The following CYRIA variants were observed in gnomAD, a reference collection of about 807,000 sequenced individuals.
CYRIA encodes CYFIP related Rac1 interactor A, also known as CYFIP-related Rac1 interactor A.
CYRIA carries 15 observed loss-of-function variants against 43.9 expected under a neutral mutation model. That is an observed-to-expected ratio of 0.34 (90% CI 0.23 to 0.53). CYRIA has a LOEUF of 0.53. Among genes scored for constraint, CYRIA ranks in the 20% least tolerant of loss-of-function variants. The pLI, the probability that CYRIA is intolerant of heterozygous loss-of-function variation, is 0.94. For synonymous variants in CYRIA, 117 were observed against 136.0 expected, an observed-to-expected ratio of 0.86 and a Z score of 0.97; for missense variants, 236 against 394.2, an observed-to-expected ratio of 0.60 and a Z score of 3.40.
Position 16,660,805 on chromosome 2 carries a change from T to C in CYRIA, c.-167+4975A>G, listed in dbSNP as rs77928213. 2.0e-4 allele frequency among the ~76,000 whole-genome samples: 31 copies of C among 152,268 alleles called. No individual in the cohort carries two copies. The East Asian group carries it at 5.4e-3, about 27-fold the overall frequency. ...ACACCAGACTCAGGCCCTGAGATAA[T>C]TGCAAATAGAAACACATCTGTCTGC... On this transcript the variant is annotated intron_variant, in intron 1 of 11. Coordinates refer to ENST00000381323, the MANE Select transcript of CYRIA (RefSeq NM_030797.4).
At chr2:16,589,083 CAT>C (rs1052334245) in intron 2 of CYRIA, among the ~76,000 whole-genome samples, 1 of 152,010 alleles carries the variant, frequency 6.6e-6, no homozygotes, top group Non-Finnish European at 1.5e-5. Context: ...TCATTCAACA[CAT>C]ATTTACGGAG....
intron 2 of CYRIA, 106 bp from the exon 3 acceptor site, chr2:16,588,235 A>G: frequency 1.6e-6 from 1 of 641,222 alleles, no homozygotes; most frequent in Non-Finnish European, 2.7e-6. Flanking sequence ...CCAGAAAGAG[A>G]GCATCTCCAA....
intron 1 of CYRIA, among the ~76,000 whole-genome samples, chr2:16,656,524 A>G (rs899769499): frequency 6.6e-6 from 1 of 152,142 alleles, no homozygotes; most frequent in Non-Finnish European, 1.5e-5. Context: ...CCTGGAAGTT[A>G]AGGTCACTCC....
At chr2:16,575,681 C>A (rs1352418894) in intron 3 of CYRIA, among the ~76,000 whole-genome samples, 1 of 151,832 alleles carries the variant, frequency 6.6e-6, no homozygotes, top group African/African-American at 2.4e-5. Context: ...CGGTGAAACC[C>A]CGTCTCTACT....
chr2:16,601,712 A>C (rs1378258099), intron 2 of CYRIA, among the ~76,000 whole-genome samples: 2 of 64,654 alleles, frequency 3.1e-5, no homozygotes, highest in Non-Finnish European at 5.7e-5. Context: ...TTCCAGTTTC[A>C]AAAAAAAAAA....
At chr2:16,637,600 C>T (rs909440997) in intron 1 of CYRIA, among the ~76,000 whole-genome samples, 3 of 152,160 alleles carry the variant, frequency 2.0e-5, no homozygotes, top group Non-Finnish European at 2.9e-5. Flanking sequence ...GTTACAGTAT[C>T]CTGAACTGAC....
At chr2:16,590,941 G>A (rs1667909878) in intron 2 of CYRIA, among the ~76,000 whole-genome samples, 1 of 151,962 alleles carries the variant, frequency 6.6e-6, no homozygotes, top group Non-Finnish European at 1.5e-5. Context: ...AAAGTGAATT[G>A]GTCCATCATC....
intron 1 of CYRIA, among the ~76,000 whole-genome samples, chr2:16,646,767 A>C (rs559366504): frequency 6.6e-6 from 1 of 152,312 alleles, no homozygotes; most frequent in African/African-American, 2.4e-5. Flanking sequence ...ACTCTTTAAT[A>C]TGGATGGGCC....
chr2:16,615,763 C>T, intron 2 of CYRIA, among the ~76,000 whole-genome samples: 1 of 152,214 alleles, frequency 6.6e-6, no homozygotes, highest in East Asian at 1.9e-4. Context: ...AGTCAACCTA[C>T]CTATTGCAGC....
rs566625614 is a variant in CYRIA at position 16,659,178 on chromosome 2, G to A, written c.-167+6602C>T. Among the ~76,000 whole-genome samples, 171 of 152,298 alleles carry A rather than the reference G, an allele frequency of 1.1e-3. 2 individuals carry two copies. In the South Asian group the frequency reaches 0.034, roughly 30 times the overall value. ...GCTAGCAGAAACTCACCAGCTCTTTGAGATGAGTGTTCTACCCAAGACACA... is the reference window on the plus strand; with the variant it reads ...GCTAGCAGAAACTCACCAGCTCTTTAAGATGAGTGTTCTACCCAAGACACA... On this transcript the variant is annotated intron_variant, in intron 1 of 11. Coordinates refer to ENST00000381323, the MANE Select transcript of CYRIA (RefSeq NM_030797.4).
At chr2:16,625,036 C>A (rs980535428) in intron 1 of CYRIA, among the ~76,000 whole-genome samples, 1 of 152,170 alleles carries the variant, frequency 6.6e-6, no homozygotes, top group African/African-American at 2.4e-5. Flanking sequence ...AGGGCAAACA[C>A]TAGAGTTGTC....
Position 16,665,723 on chromosome 2 carries a change from C to T in CYRIA, c.-167+57G>A, listed in dbSNP as rs1466521689. The T allele has an allele frequency of 4.1e-5, 6 of 148,078 alleles. No individual in the cohort carries two copies. In the East Asian group the frequency reaches 1.2e-3, roughly 29 times the overall value. 9.2% of individuals were successfully genotyped at this position (148,078 alleles called of 1,614,324 possible). The stretch of plus-strand genomic sequence containing the variant: ...GCGGTGCCCCGTGCAGGCCGAGCCC[C>T]GCGCCCGCAGACCCCCGCCCGCGCC... On this transcript the variant is annotated intron_variant, in intron 1 of 11. Coordinates refer to ENST00000381323, the MANE Select transcript of CYRIA (RefSeq NM_030797.4).
chr2:16,590,109 C>A (rs1486245111), intron 2 of CYRIA, among the ~76,000 whole-genome samples: 1 of 151,450 alleles, frequency 6.6e-6, no homozygotes, highest in East Asian at 1.9e-4. Context: ...AAAGCAAACA[C>A]CATATTTCTC....
In CYRIA at chr2:16,555,144, G is replaced by A. The variant is rs1260211904; in HGVS notation, c.838-5C>T. 2.5e-6 allele frequency: 4 copies of A among 1,611,298 alleles called. No individual in the cohort carries two copies. Among genetic ancestry groups the A allele is most frequent in the South Asian group, 1.1e-5 (1 of 90,968 alleles). ...AACTTTTATGCAGCCTTTCATCTAGGAGGAGAAAGCACAATGTTTGTTAAT... is the reference window on the plus strand; with the variant it reads ...AACTTTTATGCAGCCTTTCATCTAGAAGGAGAAAGCACAATGTTTGTTAAT... On this transcript the variant is annotated splice_polypyrimidine_tract_variant and splice_region_variant and intron_variant, in intron 10 of 11. Transcript: ENST00000381323.
At chr2:16,611,120 G>GAGGC (rs1424558103) in intron 2 of CYRIA, among the ~76,000 whole-genome samples, 2 of 151,648 alleles carry the variant, frequency 1.3e-5, no homozygotes, top group Non-Finnish European at 2.9e-5. Context: ...AGCACTTTGG[G>GAGGC]AGGCTGAGGC....
intron 3 of CYRIA, among the ~76,000 whole-genome samples, chr2:16,567,494 A>C (rs113500405): frequency 6.6e-6 from 1 of 152,278 alleles, no homozygotes; most frequent in South Asian, 2.1e-4. Flanking sequence ...GGCACTGGCT[A>C]TGCTGACTTG....
chr2:16,638,982 G>A (rs115189278), intron 1 of CYRIA, among the ~76,000 whole-genome samples: 2,546 of 152,186 alleles, frequency 0.017, 65 homozygotes, highest in African/African-American at 0.056. Flanking sequence ...TTAAGAAAAC[G>A]ACAAACTTAC....
chr2:16,639,119 G>A (rs1669597074), intron 1 of CYRIA, among the ~76,000 whole-genome samples: 1 of 152,206 alleles, frequency 6.6e-6, no homozygotes, highest in African/African-American at 2.4e-5. Context: ...GCCACTTCCT[G>A]CAGCTGTCGC....
chr2:16,653,166 A>G (rs1670018119), intron 1 of CYRIA, among the ~76,000 whole-genome samples: 1 of 152,128 alleles, frequency 6.6e-6, no homozygotes, highest in Admixed American at 6.5e-5. Flanking sequence ...CAGCAAAAAC[A>G]TCCTGGGTCA....
Sources: gnomAD v4.1 joint callset for allele counts (sites outside exome capture counted in the v4.1 genomes callset) on GRCh38, gnomAD v4.1.1 for gene constraint, MANE v1.5 for transcripts, NCBI Gene and HGNC (gene_info 2026-07-23, HGNC 2026-07-21) for gene names.